The following COX7B2 variants were observed in gnomAD, a reference collection of about 807,000 sequenced individuals.
COX7B2 encodes the protein cytochrome c oxidase subunit 7B2, mitochondrial.
For synonymous variants in COX7B2, 37 were observed against 32.1 expected (o/e 1.15, Z -0.51); for missense variants, 109 against 95.9 (o/e 1.14, Z -0.57).
At chr4:46,813,248 A>G (rs916430298) in intron 2 of COX7B2, among the ~76,000 whole-genome samples, 2 of 152,192 alleles carry the variant, frequency 1.3e-5, no homozygotes, top group African/African-American at 4.8e-5. Context: ...TTATCCATTC[A>G]TCTGTTCATG....
At chr4:46,871,818 A>T (rs1718010730) in intron 1 of COX7B2, among the ~76,000 whole-genome samples, 1 of 152,114 alleles carries the variant, frequency 6.6e-6, no homozygotes, top group Admixed American at 6.6e-5. Flanking sequence ...ATTAAAAAAA[A>T]TACCAGATAC....
chr4:46,749,434 C>T (rs1715215407), intron 2 of COX7B2, among the ~76,000 whole-genome samples: 1 of 152,086 alleles, frequency 6.6e-6, no homozygotes, highest in African/African-American at 2.4e-5. Flanking sequence ...CAACTGCTAA[C>T]AAGGTAGCCT....
chr4:46,881,471 A>C lies in COX7B2; in HGVS notation c.-105+27689T>G, dbSNP rs531066760. ...TGAGCAGAGGGGTGACTTTGAATAA[A>C]ATGGAAGGCGGCTGAACATGGTGGC... On this transcript the variant is annotated intron_variant, in intron 1 of 2. Transcript: ENST00000355591. Among the ~76,000 whole-genome samples, 249 of 152,300 alleles carry C rather than the reference A, an allele frequency of 1.6e-3. 3 individuals carry two copies. Among genetic ancestry groups the C allele is most frequent in the African/African-American group, 5.7e-3 (239 of 41,572 alleles).
intron 2 of COX7B2, among the ~76,000 whole-genome samples, chr4:46,755,842 C>G (rs1181930932): frequency 1.3e-5 from 2 of 151,998 alleles, no homozygotes; most frequent in African/African-American, 4.8e-5. Context: ...GCATCCCATG[C>G]TCATGGACTG....
chr4:46,899,208 T>A (rs748274017), intron 1 of COX7B2, among the ~76,000 whole-genome samples: 21 of 152,188 alleles, frequency 1.4e-4, no homozygotes, highest in Non-Finnish European at 2.8e-4. Flanking sequence ...AGCTTTAAAA[T>A]ATACTATATT....
At chr4:46,869,045 T>C (rs1717835524) in intron 1 of COX7B2, among the ~76,000 whole-genome samples, 1 of 152,216 alleles carries the variant, frequency 6.6e-6, no homozygotes, top group Admixed American at 6.5e-5. Context: ...TTTATGAATC[T>C]GGGTGCTCCT....
chr4:46,824,836 C>A (rs1313456209), intron 2 of COX7B2, among the ~76,000 whole-genome samples: 3 of 151,950 alleles, frequency 2.0e-5, no homozygotes, highest in African/African-American at 4.8e-5. Flanking sequence ...AACAAAACTT[C>A]ATGTTAAAAA....
intron 2 of COX7B2, among the ~76,000 whole-genome samples, chr4:46,825,949 C>A (rs1354136473): frequency 1.3e-5 from 2 of 152,086 alleles, no homozygotes; most frequent in Non-Finnish European, 2.9e-5. Flanking sequence ...TAGGTAGTAC[C>A]ATCCTGGACA....
intron 2 of COX7B2, among the ~76,000 whole-genome samples, chr4:46,832,004 C>G (rs1010228360): frequency 6.6e-6 from 1 of 152,126 alleles, no homozygotes; most frequent in Admixed American, 6.5e-5. Context: ...CAATCAGCAC[C>G]CTGTTAAAAC....
intron 1 of COX7B2, among the ~76,000 whole-genome samples, chr4:46,898,614 G>T (rs1410092927): frequency 6.6e-6 from 1 of 151,774 alleles, no homozygotes; most frequent in Non-Finnish European, 1.5e-5. Context: ...TTGTAGAGGC[G>T]GGGTCTTGCT....
At chr4:46,745,349 G>T (rs562394993) in intron 2 of COX7B2, among the ~76,000 whole-genome samples, 1 of 152,040 alleles carries the variant, frequency 6.6e-6, no homozygotes, top group South Asian at 2.1e-4. Flanking sequence ...TGGTGCATTC[G>T]CAGAGAAATT....
chr4:46,888,258 G>C (rs1021450467), intron 1 of COX7B2, among the ~76,000 whole-genome samples: 12 of 152,132 alleles, frequency 7.9e-5, no homozygotes, highest in African/African-American at 2.9e-4. Context: ...CGAGACTTCA[G>C]TCCTTTACGA....
rs1553880229 is a variant in COX7B2, at chr4:46,754,728, G to GTATATATATATATATATATATGTATA, written c.-49-19488_-49-19487insTATACATATATATATATATATATATA. 2.6e-3 allele frequency among the ~76,000 whole-genome samples: 103 copies of GTATATATATATATATATATATGTATA among 39,866 alleles called. 8 individuals carry two copies. Among genetic ancestry groups the GTATATATATATATATATATATGTATA allele is most frequent in the South Asian group, 0.018 (9 of 512 alleles). The allele number at this position is 39,866 out of a possible 152,430, so 26.2% of individuals were successfully genotyped here. A position where few individuals can be genotyped will look rare whatever the true frequency, so the allele number is the denominator to read the frequency against. On this transcript the variant is annotated intron_variant, in intron 2 of 2. Transcript: ENST00000355591. ...TGTGTGTGTGTGTGTGTGTGTGTGT[G>GTATATATATATATATATATATGTATA]TATATATATATATATATATATGAAA... is the stretch of plus-strand genomic sequence containing the variant.
At chr4:46,799,179 T>A (rs1718521972) in intron 2 of COX7B2, among the ~76,000 whole-genome samples, 1 of 152,140 alleles carries the variant, frequency 6.6e-6, no homozygotes, top group Non-Finnish European at 1.5e-5. Context: ...TATTGGTGTA[T>A]AGAAACACTA....
chr4:46,854,785 A>C (rs940089782), intron 1 of COX7B2, among the ~76,000 whole-genome samples: 6 of 152,236 alleles, frequency 3.9e-5, no homozygotes, highest in Non-Finnish European at 4.4e-5. Context: ...ATGGAATATT[A>C]TAAAACCATT....
chr4:46,901,058 T>C (rs1720044058), intron 1 of COX7B2, among the ~76,000 whole-genome samples: 1 of 152,240 alleles, frequency 6.6e-6, no homozygotes, highest in Non-Finnish European at 1.5e-5. Flanking sequence ...TAGCCTAGCA[T>C]AAAGCTTCAA....
chr4:46,831,026 T>C (rs1177970697), intron 2 of COX7B2, among the ~76,000 whole-genome samples: 1 of 151,960 alleles, frequency 6.6e-6, no homozygotes, highest in African/African-American at 2.4e-5. Flanking sequence ...CCTCAGCCTG[T>C]GGGGAGGTGT....
chr4:46,759,777 T>TTATCTTATATAAGTTATATAAGTCA (rs1306783595), intron 2 of COX7B2, among the ~76,000 whole-genome samples: 2 of 147,198 alleles, frequency 1.4e-5, no homozygotes, highest in South Asian at 2.2e-4. Flanking sequence ...GTTATATGTC[T>TTATCTTATATAAGTTATATAAGTCA]TATCTTATAT....
intron 2 of COX7B2, among the ~76,000 whole-genome samples, chr4:46,762,220 ATAT>A (rs1400252369): frequency 1.4e-5 from 2 of 143,350 alleles, no homozygotes; most frequent in African/African-American, 2.5e-5. Context: ...TTTAATATGT[ATAT>A]TATTTATATA....
Sources: gnomAD v4.1 joint callset for allele counts (sites outside exome capture counted in the v4.1 genomes callset) on GRCh38, gnomAD v4.1.1 for gene constraint, MANE v1.5 for transcripts, NCBI Gene and HGNC (gene_info 2026-07-23, HGNC 2026-07-21) for gene names.